ZNF486: variants seen among roughly 807,000 people sequenced by gnomAD.
ZNF486 encodes the protein zinc finger protein 486.
A neutral mutation model predicts 12.8 loss-of-function variants in ZNF486; 12 were observed. That is an observed-to-expected ratio of 0.94 (90% confidence interval 0.60 to 1.52). ZNF486 has a LOEUF of 1.52. ZNF486 is among the 40% of genes most tolerant of loss of function. The pLI is 0.00. For missense variants in ZNF486, 738 were observed against 545.0 expected (o/e 1.35, Z -3.53); for synonymous variants, 231 against 184.9 (o/e 1.25, Z -2.02).
At chr19:20,185,414 T>TTTTTG (rs1555716244) in intron 2 of ZNF486, among the ~76,000 whole-genome samples, 23 of 137,890 alleles carry the variant, frequency 1.7e-4, no homozygotes, top group African/African-American at 6.0e-4. Flanking sequence ...GTTTTTTTTT[T>TTTTTG]TTTTTTTTTT....
At position 20,197,690 on chromosome 19, in the gene ZNF486, G is replaced by C; in HGVS notation, c.980G>C (p.Cys327Ser). The change falls in exon 4 of 4, where the codon TGT (cysteine) becomes TCT (serine). Residue 327 changes from cysteine to serine, a missense_variant. Coordinates refer to ENST00000335117, the MANE Select transcript of ZNF486 (RefSeq NM_052852.4). ...TGEKPYTCDKCGKAFISSSIL... is the reference protein window; with the variant it reads ...TGEKPYTCDKSGKAFISSSIL... The stretch of plus-strand genomic sequence containing the variant: ...GAGAAACCGTACACGTGTGATAAAT[G>C]TGGCAAAGCCTTTATTTCATCCTCG... 6.2e-7 allele frequency: 1 copy of C among 1,613,756 alleles called. No individual in the cohort carries two copies. The highest frequency in any genetic ancestry group is 1.1e-5 in the South Asian group (1 of 91,060).
At chr19:20,177,851 C>T (rs146321201) in intron 1 of ZNF486, among the ~76,000 whole-genome samples, 8,074 of 144,074 alleles carry the variant, frequency 0.056, 763 homozygotes, top group African/African-American at 0.19. Context: ...GCTGGGATTA[C>T]AGGCACGAGC....
At chr19:20,182,710 G>A (rs1441378180) in intron 1 of ZNF486, among the ~76,000 whole-genome samples, 1 of 152,108 alleles carries the variant, frequency 6.6e-6, no homozygotes. Flanking sequence ...TCTTCATGGA[G>A]CAATTCATTG....
intron 1 of ZNF486, among the ~76,000 whole-genome samples, chr19:20,170,260 GATAA>G (rs531256476): frequency 1.3e-3 from 204 of 152,042 alleles, no homozygotes; most frequent in African/African-American, 4.6e-3. Context: ...GAGGGAGGGA[GATAA>G]ATAAAGTTTG....
intron 1 of ZNF486, among the ~76,000 whole-genome samples, chr19:20,178,463 C>T (rs60150064): frequency 0.035 from 5,362 of 151,874 alleles, 338 homozygotes; most frequent in African/African-American, 0.12. Context: ...TAGATGGTCT[C>T]GATCTCCTGA....
Position 20,186,076 on chromosome 19 carries a change from C to A in ZNF486, c.247C>A (p.Pro83Thr), listed in dbSNP as rs782354470. Residue 83 changes from proline to threonine, a missense_variant, in exon 3 of 4, where the codon CCC becomes ACC. By Grantham distance (38) the Pro-to-Thr change is conservative. Coordinates refer to ENST00000335117, the MANE Select transcript of ZNF486 (RefSeq NM_052852.4). ...GAAGAGACATGAGATGATTGCCAAACCCCCAGGTAGGTGCGAATGAAAATG... is the reference window on the plus strand; with the variant it reads ...GAAGAGACATGAGATGATTGCCAAAACCCCAGGTAGGTGCGAATGAAAATG... ...TMKRHEMIAK[P>T]PVVCSHFAQD... is the part of the protein sequence containing the mutation. 1 of 1,580,906 alleles carries A rather than the reference C, an allele frequency of 6.3e-7. No individual in the cohort carries two copies. The highest frequency in any genetic ancestry group is 1.9e-5 in the Admixed American group (1 of 53,616).
chr19:20,172,440 AGGCACCTG>A (rs1450815395), intron 1 of ZNF486, among the ~76,000 whole-genome samples: 1 of 151,944 alleles, frequency 6.6e-6, no homozygotes, highest in Non-Finnish European at 1.5e-5. Context: ...CTGGGATTAC[AGGCACCTG>A]CACCACTCCC....
chr19:20,183,551 A>G (rs577793731), intron 1 of ZNF486, among the ~76,000 whole-genome samples: 173 of 152,318 alleles, frequency 1.1e-3, no homozygotes, highest in Non-Finnish European at 2.1e-3. Context: ...TTTGGGAGGA[A>G]TATTTCAACA....
chr19:20,167,292 G>A lies in ZNF486; in HGVS notation c.-39G>A. The A allele has an allele frequency of 6.2e-7, 1 of 1,613,934 alleles. No individual in the cohort carries two copies. Among genetic ancestry groups the A allele is most frequent in the Non-Finnish European group, 8.5e-7 (1 of 1,179,838 alleles). On this transcript the variant is annotated 5_prime_UTR_variant, in exon 1 of 4. Coordinates refer to ENST00000335117, the MANE Select transcript of ZNF486 (RefSeq NM_052852.4). ...TGCTCCTAGAGGCCCACCCTCTGTGGCCCTGTGTCCTGTAGGTATTGGGAG... is the reference window on the plus strand; with the variant it reads ...TGCTCCTAGAGGCCCACCCTCTGTGACCCTGTGTCCTGTAGGTATTGGGAG...
chr19:20,179,219 C>T (rs1223924152), intron 1 of ZNF486, among the ~76,000 whole-genome samples: 1 of 152,146 alleles, frequency 6.6e-6, no homozygotes, highest in Non-Finnish European at 1.5e-5. Context: ...ACTAATGATG[C>T]CACATTGGAC....
At chr19:20,196,096 A>G (rs901151802) in intron 3 of ZNF486, among the ~76,000 whole-genome samples, 9 of 152,288 alleles carry the variant, frequency 5.9e-5, no homozygotes, top group African/African-American at 2.2e-4. Context: ...TTGGCTCACT[A>G]CATTCTCTGC....
intron 1 of ZNF486, among the ~76,000 whole-genome samples, chr19:20,174,102 A>C (rs1555714312): frequency 6.6e-6 from 1 of 152,144 alleles, no homozygotes; most frequent in Admixed American, 6.6e-5. Flanking sequence ...GGCACACAGA[A>C]GCTTAGCACA....
intron 1 of ZNF486, among the ~76,000 whole-genome samples, chr19:20,182,981 T>A (rs535480446): frequency 4.6e-5 from 7 of 152,182 alleles, no homozygotes; most frequent in Non-Finnish European, 8.8e-5. Context: ...TGGACCCCCA[T>A]GAGTTTAGTA....
At chr19:20,167,990 C>T (rs2089603529) in intron 1 of ZNF486, among the ~76,000 whole-genome samples, 1 of 152,192 alleles carries the variant, frequency 6.6e-6, no homozygotes, top group South Asian at 2.1e-4. Context: ...CTAAGCCAAC[C>T]GGGATCAGCT....
At chr19:20,175,331 A>ATTTTTTTTTTTTT (rs782300626) in intron 1 of ZNF486, 383 of 119,712 alleles carry the variant, frequency 3.2e-3, no homozygotes, top group South Asian at 8.4e-3. Flanking sequence ...AGCCCTATTA[A>ATTTTTTTTTTTTT]TTTTTTTTTT....
At chr19:20,175,021 T>G (rs1213380733) in intron 1 of ZNF486, 2 of 152,168 alleles carry the variant, frequency 1.3e-5, no homozygotes, top group Admixed American at 1.3e-4. Flanking sequence ...CATCAAAAAG[T>G]GTTGTTGGAA....
At chr19:20,186,350 C>G (rs559133587) in intron 3 of ZNF486, among the ~76,000 whole-genome samples, 3 of 152,270 alleles carry the variant, frequency 2.0e-5, no homozygotes, top group East Asian at 3.9e-4. Flanking sequence ...CTCTTTATGG[C>G]ATATAAGTGA....
chr19:20,185,684 A>G (rs1315185352), intron 2 of ZNF486, among the ~76,000 whole-genome samples: 1 of 151,688 alleles, frequency 6.6e-6, no homozygotes, highest in Non-Finnish European at 1.5e-5. Context: ...CTAGGATTAG[A>G]GGTGTGAGCC....
intron 3 of ZNF486, among the ~76,000 whole-genome samples, chr19:20,191,619 A>G (rs2089903823): frequency 6.7e-6 from 1 of 148,404 alleles, no homozygotes; most frequent in African/African-American, 2.5e-5. Flanking sequence ...AATATAAAAA[A>G]ATTAGCCGGG....
Sources: allele counts gnomAD v4.1 joint callset (sites outside exome capture counted in the v4.1 genomes callset), GRCh38; gene constraint gnomAD v4.1.1; transcripts MANE v1.5; gene names NCBI Gene and HGNC (gene_info 2026-07-23, HGNC 2026-07-21).